LSAMP: variants seen among roughly 807,000 people sequenced by gnomAD.
LSAMP encodes limbic system associated membrane protein.
In LSAMP, 7 loss-of-function variants were observed where a neutral mutation model predicts 38.6. The observed-to-expected ratio is 0.18, with a 90% CI of 0.10 to 0.34. The LOEUF is 0.34. Among genes scored for constraint, LSAMP ranks in the 10% least tolerant of loss-of-function variants. The pLI, the probability that LSAMP is intolerant of heterozygous loss-of-function variation, is 1.00. For missense variants in LSAMP, 313 were observed against 420.0 expected (o/e 0.75, Z 2.23); for synonymous variants, 154 against 166.8 (o/e 0.92, Z 0.59).
At chr3:115,886,433 A>G (rs1936455538) in intron 3 of LSAMP, among the ~76,000 whole-genome samples, 1 of 152,012 alleles carries the variant, frequency 6.6e-6, no homozygotes, top group African/African-American at 2.4e-5. Context: ...GTAAATGACA[A>G]TATGCACTAT....
At chr3:115,901,141 A>G (rs1484956075) in intron 3 of LSAMP, among the ~76,000 whole-genome samples, 1 of 152,044 alleles carries the variant, frequency 6.6e-6, no homozygotes, top group Non-Finnish European at 1.5e-5. Flanking sequence ...GCTGCTCTGG[A>G]CAGACCTTTG....
At chr3:116,178,103 G>GTA (rs1710395515) in intron 1 of LSAMP, among the ~76,000 whole-genome samples, 2 of 93,978 alleles carry the variant, frequency 2.1e-5, no homozygotes, top group South Asian at 6.5e-4. Context: ...GTACGTGTGT[G>GTA]TGTGTGTGTG....
At position 115,842,531 on chromosome 3, in the gene LSAMP, G is replaced by A. The variant is rs1038571779; in HGVS notation, c.697C>T (p.Arg233Ter). Residue 233 changes from arginine (R) to a stop codon, truncating the protein, a stop_gained, in exon 5 of 7, where the codon CGA becomes TGA. Coordinates refer to ENST00000490035, the MANE Select transcript of LSAMP (RefSeq NM_002338.5). LOFTEE classifies it high-confidence loss of function. Reference protein sequence around the residue: ...ESKSNEATTGRQASLKCEASA... With the variant: ...ESKSNEATTG The stretch of plus-strand genomic sequence containing the variant: ...GCCTCACATTTGAGTGAAGCTTGTC[G>A]TCCTGTGGTGGCTTCATTGCTCTTG... 1.2e-6 allele frequency: 2 copies of A among 1,613,860 alleles called. No homozygotes were observed. The highest frequency in any genetic ancestry group is 2.2e-5 in the East Asian group (1 of 44,858).
At chr3:115,852,165 G>T (rs576165096) in intron 4 of LSAMP, among the ~76,000 whole-genome samples, 1 of 152,178 alleles carries the variant, frequency 6.6e-6, no homozygotes, top group Non-Finnish European at 1.5e-5. Context: ...TTCTAAAGTA[G>T]TATGACCTTG....
intron 1 of LSAMP, among the ~76,000 whole-genome samples, chr3:116,207,484 A>T (rs1429358943): frequency 1.4e-5 from 2 of 146,196 alleles, no homozygotes; most frequent in African/African-American, 5.0e-5. Flanking sequence ...TAGTTGATGC[A>T]GTTTCTTCCT....
At chr3:116,437,245 C>T (rs1008809205) in intron 1 of LSAMP, among the ~76,000 whole-genome samples, 9 of 151,940 alleles carry the variant, frequency 5.9e-5, no homozygotes, top group South Asian at 2.1e-4. Context: ...ATACAATAGA[C>T]TTTGGGGACT....
rs184028295 is a variant in LSAMP at position 116,350,201 on chromosome 3, T to A, written c.155+94676A>T. Among the ~76,000 whole-genome samples the A allele has an allele frequency of 3.6e-3, 544 of 152,206 alleles. 2 individuals are homozygous for A. Among genetic ancestry groups the A allele is most frequent in the African/African-American group, 0.012 (514 of 41,576 alleles). ...TCCAGTCACAGCACATAGCAGGTACTAAATAAATGTCAGTCTAAGTAAAAT... is the reference window on the plus strand; with the variant it reads ...TCCAGTCACAGCACATAGCAGGTACAAAATAAATGTCAGTCTAAGTAAAAT... On this transcript the variant is annotated intron_variant, in intron 1 of 6. Transcript: ENST00000490035.
chr3:116,143,819 T>G (rs1224511531), intron 1 of LSAMP, among the ~76,000 whole-genome samples: 3 of 151,894 alleles, frequency 2.0e-5, no homozygotes, highest in Non-Finnish European at 4.4e-5. Flanking sequence ...TTCCACTTAT[T>G]TAGGTTAGCT....
At chr3:116,221,150 C>CAAAAAAAAAAAAAA (rs71141862) in intron 1 of LSAMP, among the ~76,000 whole-genome samples, 8 of 53,182 alleles carry the variant, frequency 1.5e-4, no homozygotes, top group Non-Finnish European at 1.9e-4. Flanking sequence ...GACTCTGTCT[C>CAAAAAAAAAAAAAA]AAAAAAAAAA....
chr3:116,305,552 A>G (rs1426540031), intron 1 of LSAMP, among the ~76,000 whole-genome samples: 1 of 152,080 alleles, frequency 6.6e-6, no homozygotes, highest in Non-Finnish European at 1.5e-5. Flanking sequence ...TGCACGAAAA[A>G]AAAATACAGA....
intron 1 of LSAMP, among the ~76,000 whole-genome samples, chr3:116,199,894 T>C (rs1457194472): frequency 6.6e-6 from 1 of 152,152 alleles, no homozygotes; most frequent in Non-Finnish European, 1.5e-5. Flanking sequence ...GGTGAATCTA[T>C]AGATGTTTAT....
intron 3 of LSAMP, among the ~76,000 whole-genome samples, chr3:116,001,948 G>T (rs995630635): frequency 6.6e-6 from 1 of 152,026 alleles, no homozygotes; most frequent in African/African-American, 2.4e-5. Flanking sequence ...AGACATCTTT[G>T]GGGGGTCATT....
chr3:116,098,561 AATC>A (rs1357000893), intron 1 of LSAMP, among the ~76,000 whole-genome samples: 3 of 152,210 alleles, frequency 2.0e-5, no homozygotes, highest in African/African-American at 7.2e-5. Flanking sequence ...GGAGAATTAT[AATC>A]ATAAGAATTT....
At chr3:115,960,473 G>A (rs1339674710) in intron 3 of LSAMP, among the ~76,000 whole-genome samples, 1 of 152,142 alleles carries the variant, frequency 6.6e-6, no homozygotes, top group Non-Finnish European at 1.5e-5. Flanking sequence ...ACCAGGGCCT[G>A]GTACTCCTTT....
At chr3:116,290,904 T>A (rs1184816077) in intron 1 of LSAMP, among the ~76,000 whole-genome samples, 1 of 152,050 alleles carries the variant, frequency 6.6e-6, no homozygotes, top group Non-Finnish European at 1.5e-5. Flanking sequence ...TTAAAAAATC[T>A]CCTGTATCTC....
intron 1 of LSAMP, among the ~76,000 whole-genome samples, chr3:116,413,978 T>C (rs996635284): frequency 2.4e-4 from 36 of 151,552 alleles, no homozygotes; most frequent in African/African-American, 8.5e-4. Flanking sequence ...CCCTAATGCA[T>C]GTCTCTAATA....
At chr3:115,850,097 T>C (rs1210579659) in intron 4 of LSAMP, among the ~76,000 whole-genome samples, 1 of 152,232 alleles carries the variant, frequency 6.6e-6, no homozygotes, top group Non-Finnish European at 1.5e-5. Flanking sequence ...CAAATTTCTG[T>C]CCATATTCTG....
At chr3:116,073,913 G>A (rs926223363) in intron 2 of LSAMP, among the ~76,000 whole-genome samples, 3 of 152,134 alleles carry the variant, frequency 2.0e-5, no homozygotes, top group South Asian at 2.1e-4. Flanking sequence ...ACATCACTGG[G>A]AAGACTCTAA....
intron 1 of LSAMP, among the ~76,000 whole-genome samples, chr3:116,416,470 A>G (rs1406606673): frequency 6.6e-6 from 1 of 152,200 alleles, no homozygotes; most frequent in Non-Finnish European, 1.5e-5. Context: ...GATAAAAAGA[A>G]CAATGGAGTT....
Sources: gnomAD v4.1 joint callset for allele counts (sites outside exome capture counted in the v4.1 genomes callset) on GRCh38, gnomAD v4.1.1 for gene constraint, MANE v1.5 for transcripts, NCBI Gene and HGNC (gene_info 2026-07-23, HGNC 2026-07-21) for gene names.